LDLRAD4: variants seen among roughly 807,000 people sequenced by gnomAD.
The protein encoded by LDLRAD4 is low density lipoprotein receptor class A domain containing 4, also known as low-density lipoprotein receptor class A domain-containing protein 4.
LDLRAD4 carries 5 observed loss-of-function variants against 17.0 expected under a neutral mutation model. The ratio of observed to expected loss-of-function variants is 0.29; its 90% CI spans 0.15 to 0.62. LDLRAD4 has a LOEUF of 0.62. LDLRAD4 is among the 20% of genes least tolerant of loss of function. The pLI is 0.84. For missense variants in LDLRAD4, 340 were observed against 424.7 expected, an observed-to-expected ratio of 0.80 and a Z score of 1.75; for synonymous variants, 168 against 171.8, an observed-to-expected ratio of 0.98 and a Z score of 0.17.
intron 1 of LDLRAD4, among the ~76,000 whole-genome samples, chr18:13,225,276 A>G (rs1043461141): frequency 2.0e-5 from 3 of 152,234 alleles, no homozygotes; most frequent in South Asian, 4.1e-4. Flanking sequence ...AGAGATGCAC[A>G]TATCATGGGC....
chr18:13,233,678 G>A (rs1267471439), intron 1 of LDLRAD4, among the ~76,000 whole-genome samples: 1 of 152,120 alleles, frequency 6.6e-6, no homozygotes, highest in African/African-American at 2.4e-5. Flanking sequence ...AGAGGTTTCT[G>A]AGCCTAGAAC....
chr18:13,623,581 A>G (rs1467093563), intron 4 of LDLRAD4, among the ~76,000 whole-genome samples: 1 of 152,226 alleles, frequency 6.6e-6, no homozygotes, highest in South Asian at 2.1e-4. Context: ...AAAACACAAG[A>G]TGCATTCCAG....
chr18:13,404,433 C>T (rs10853233), intron 2 of LDLRAD4, among the ~76,000 whole-genome samples: 75,832 of 152,132 alleles, frequency 0.5, 19,751 homozygotes, highest in Non-Finnish European at 0.56. Context: ...CGCTGTCCCA[C>T]GTGGACACAG....
intron 1 of LDLRAD4, among the ~76,000 whole-genome samples, chr18:13,234,027 A>G (rs2042213620): frequency 6.6e-6 from 1 of 152,128 alleles, no homozygotes; most frequent in Non-Finnish European, 1.5e-5. Flanking sequence ...TGCATGTTTG[A>G]AACCTATTTG....
intron 3 of LDLRAD4, among the ~76,000 whole-genome samples, chr18:13,482,064 C>T (rs993355146): frequency 3.3e-5 from 5 of 151,846 alleles, no homozygotes; most frequent in African/African-American, 7.3e-5. Context: ...TCTCTGTGGC[C>T]GAGGTGGACA....
chr18:13,505,104 A>G (rs2093670227), intron 3 of LDLRAD4, among the ~76,000 whole-genome samples: 1 of 152,210 alleles, frequency 6.6e-6, no homozygotes, highest in Non-Finnish European at 1.5e-5. Context: ...AGAGATGGTG[A>G]TTCCTTCTGA....
chr18:13,335,925 G>A (rs139780099), intron 1 of LDLRAD4, among the ~76,000 whole-genome samples: 1 of 152,244 alleles, frequency 6.6e-6, no homozygotes, highest in East Asian at 1.9e-4. Context: ...ACTACCTGAG[G>A]CTGGGTAATT....
intron 1 of LDLRAD4, among the ~76,000 whole-genome samples, chr18:13,242,732 G>T (rs1435674334): frequency 6.6e-6 from 1 of 152,206 alleles, no homozygotes; most frequent in South Asian, 2.1e-4. Context: ...TTGGCTTTTA[G>T]TGTAACCATC....
intron 3 of LDLRAD4, among the ~76,000 whole-genome samples, chr18:13,591,944 A>G (rs2095035310): frequency 6.6e-6 from 1 of 152,238 alleles, no homozygotes; most frequent in Non-Finnish European, 1.5e-5. Flanking sequence ...AGATTATGTG[A>G]CATTCAGTCA....
chr18:13,539,625 T>A (rs8083769), intron 3 of LDLRAD4, among the ~76,000 whole-genome samples: 2,642 of 152,142 alleles, frequency 0.017, 41 homozygotes, highest in Non-Finnish European at 0.027. Context: ...TGTGCTTTCT[T>A]ATTTGCCCAA....
At chr18:13,257,166 C>G (rs1272882041) in intron 1 of LDLRAD4, among the ~76,000 whole-genome samples, 1 of 152,202 alleles carries the variant, frequency 6.6e-6, no homozygotes, top group Non-Finnish European at 1.5e-5. Context: ...AGCCTCGCGG[C>G]CCTGGCTCAG....
At chr18:13,643,950 A>G (rs897216527) in intron 5 of LDLRAD4, among the ~76,000 whole-genome samples, 1 of 152,238 alleles carries the variant, frequency 6.6e-6, no homozygotes, top group African/African-American at 2.4e-5. Context: ...GCCGTCTCCT[A>G]GAAGAAACTG....
chr18:13,387,060 CCA>C (rs1373748885), intron 1 of LDLRAD4, among the ~76,000 whole-genome samples: 7 of 152,220 alleles, frequency 4.6e-5, no homozygotes, highest in Non-Finnish European at 1.0e-4. Context: ...ACCACAGACC[CCA>C]GTCTAAGGCC....
At chr18:13,263,688 C>T (rs745867355) in intron 1 of LDLRAD4, among the ~76,000 whole-genome samples, 7 of 152,190 alleles carry the variant, frequency 4.6e-5, no homozygotes, top group Non-Finnish European at 5.9e-5. Flanking sequence ...GTATTACCCA[C>T]CTCATGGGTT....
chr18:13,277,268 G>A (rs1266826843), upstream of LDLRAD4, among the ~76,000 whole-genome samples: 1 of 152,206 alleles, frequency 6.6e-6, no homozygotes, highest in Non-Finnish European at 1.5e-5. Context: ...TGGTGGCTTA[G>A]TCCCCCTTGG....
chr18:13,243,116 T>C (rs1376401040), intron 1 of LDLRAD4, among the ~76,000 whole-genome samples: 1 of 152,254 alleles, frequency 6.6e-6, no homozygotes, highest in African/African-American at 2.4e-5. Flanking sequence ...CAGCTGATCT[T>C]AGTTTTCCAG....
intron 4 of LDLRAD4, among the ~76,000 whole-genome samples, chr18:13,643,004 C>T (rs907857011): frequency 6.6e-6 from 1 of 150,632 alleles, no homozygotes; most frequent in Non-Finnish European, 1.5e-5. Flanking sequence ...GGCAAGATCT[C>T]GGCTCACTGC....
chr18:13,341,885 C>T (rs2082391415), intron 1 of LDLRAD4, among the ~76,000 whole-genome samples: 1 of 151,982 alleles, frequency 6.6e-6, no homozygotes, highest in African/African-American at 2.4e-5. Flanking sequence ...ACATGGCCTT[C>T]ATAATGTTGA....
chr18:13,480,689 A>G lies in LDLRAD4; in HGVS notation c.181+42305A>G, dbSNP rs142149255. ...CAGAGAGCACGTGAGAAATCTCTGC[A>G]TGTTCCTCTCCAATTTTGCTGTGAA... On this transcript the variant is annotated intron_variant, in intron 3 of 5. Coordinates refer to ENST00000359446, the Ensembl canonical transcript of LDLRAD4. Among the ~76,000 whole-genome samples, 4 of 152,338 alleles carry G rather than the reference A, an allele frequency of 2.6e-5. No homozygotes were observed. The East Asian group carries it at 7.7e-4, about 29-fold the overall frequency.
Sources: gnomAD v4.1 joint callset for allele counts (sites outside exome capture counted in the v4.1 genomes callset) on GRCh38, gnomAD v4.1.1 for gene constraint, MANE v1.5 for transcripts, NCBI Gene and HGNC (gene_info 2026-07-23, HGNC 2026-07-21) for gene names.